The following TRAK2 variants were observed in gnomAD, a reference collection of about 807,000 sequenced individuals.
TRAK2 encodes the protein trafficking kinesin-binding protein 2.
TRAK2 carries 81 observed loss-of-function variants against 104.6 expected under a neutral mutation model. That is an observed-to-expected ratio of 0.77 (90% CI 0.65 to 0.93). The LOEUF (loss-of-function observed/expected upper bound fraction) is 0.93. TRAK2 is among the 40% of genes least tolerant of loss of function. TRAK2 has a pLI of 0.00. For synonymous variants in TRAK2, 406 were observed against 394.4 expected (o/e 1.03, Z -0.35); for missense variants, 1,002 against 1,089.0 (o/e 0.92, Z 1.12).
chr2:201,407,535 G>A lies in TRAK2; in HGVS notation c.154C>T (p.Pro52Ser). Residue 52 changes from proline (P) to serine (S), a missense_variant, in exon 3 of 16, where the codon CCA (proline) becomes TCA (serine). By Grantham distance (74) the Pro-to-Ser change is moderately conservative (BLOSUM62 -1). Coordinates refer to ENST00000332624, the MANE Select transcript of TRAK2 (RefSeq NM_015049.3). ...GTGTCTACTTTTAGCCTATACTGTGGTAGTTGTTCTTCTAGCAGACTCACC... is the reference window on the plus strand; with the variant it reads ...GTGTCTACTTTTAGCCTATACTGTGATAGTTGTTCTTCTAGCAGACTCACC... ...ELVSLLEEQL[P>S]QYRLKVDTLF... is the part of the protein sequence containing the mutation. 6.2e-7 allele frequency: 1 copy of A among 1,614,094 alleles called. No individual in the cohort carries two copies. The highest frequency in any genetic ancestry group is 8.5e-7 in the Non-Finnish European group (1 of 1,179,990).
intron 1 of TRAK2, among the ~76,000 whole-genome samples, chr2:201,422,055 A>C (rs1393677908): frequency 1.3e-5 from 2 of 151,888 alleles, no homozygotes; most frequent in Admixed American, 1.3e-4. Context: ...GTCTCAAAAA[A>C]AAAAAAAAAA....
intron 1 of TRAK2, among the ~76,000 whole-genome samples, chr2:201,450,206 AG>A (rs1952014924): frequency 6.6e-6 from 1 of 151,996 alleles, no homozygotes; most frequent in South Asian, 2.1e-4. Context: ...CATGAGGTCA[AG>A]AGATCGAGAC....
intron 12 of TRAK2, 87 bp from the exon 13 acceptor site, chr2:201,388,088 G>A (rs748546012): frequency 2.9e-6 from 4 of 1,358,602 alleles, no homozygotes; most frequent in Non-Finnish European, 4.2e-6. Context: ...AAGCATTCAA[G>A]AGACTGATAT....
intron 14 of TRAK2, among the ~76,000 whole-genome samples, chr2:201,385,156 G>A (rs1951377393): frequency 6.6e-6 from 1 of 152,146 alleles, no homozygotes; most frequent in South Asian, 2.1e-4. Flanking sequence ...CTTTTCTGAT[G>A]AGTAGGTGGT....
chr2:201,398,778 A>G (rs1951523990), intron 5 of TRAK2, among the ~76,000 whole-genome samples: 1 of 152,044 alleles, frequency 6.6e-6, no homozygotes, highest in Non-Finnish European at 1.5e-5. Context: ...ATCACTGTGC[A>G]TGTCTTCCTA....
chr2:201,404,109 G>A (rs987797115), intron 3 of TRAK2, among the ~76,000 whole-genome samples: 7 of 152,238 alleles, frequency 4.6e-5, no homozygotes, highest in Admixed American at 6.5e-5. Context: ...AGTACTCAGG[G>A]CAAAACTCTT....
rs1361840970 is a variant in TRAK2, at chr2:201,377,583, C to T, written c.*2960G>A. The T allele has an allele frequency of 1.3e-5, 2 of 152,594 alleles. No homozygotes were observed. Among genetic ancestry groups the T allele is most frequent in the Non-Finnish European group, 2.9e-5 (2 of 68,038 alleles). The allele number at this position is 152,594 out of a possible 1,614,324, so 9.5% of individuals were successfully genotyped here. ...GCTTTGAGTACTGTGTAAAATTATA[C>T]CCTTTATAGGGAATAGGCTCTTGTA... On this transcript the variant is annotated 3_prime_UTR_variant, in exon 16 of 16. Coordinates refer to ENST00000332624, the MANE Select transcript of TRAK2 (RefSeq NM_015049.3).
chr2:201,427,676 G>T (rs571777272), intron 1 of TRAK2, among the ~76,000 whole-genome samples: 2 of 152,008 alleles, frequency 1.3e-5, no homozygotes, highest in African/African-American at 2.4e-5. Context: ...TAATCCTTTG[G>T]GTATATACCC....
Position 201,385,328 on chromosome 2 carries a change from T to C in TRAK2, c.1963+890A>G, listed in dbSNP as rs1951378849. 2.0e-5 allele frequency among the ~76,000 whole-genome samples: 3 copies of C among 151,570 alleles called. No individual in the cohort carries two copies. The South Asian group carries it at 6.3e-4, about 32-fold the overall frequency. ...TATTCAAAATGTAGGATACGACCAATGCATTTAATTTAATTTTTTTTTTTT... is the reference window on the plus strand; with the variant it reads ...TATTCAAAATGTAGGATACGACCAACGCATTTAATTTAATTTTTTTTTTTT... On this transcript the variant is annotated intron_variant, in intron 14 of 15. Transcript: ENST00000332624.
intron 2 of TRAK2, chr2:201,410,455 A>G: frequency 1.6e-6 from 1 of 634,392 alleles, no homozygotes; most frequent in Non-Finnish European, 2.8e-6. Context: ...TCACTGTCCC[A>G]TAGAAGTAGT....
Position 201,392,946 on chromosome 2 carries a change from T to C in TRAK2, c.1076A>G (p.His359Arg). Residue 359 changes from histidine to arginine, a missense_variant, in exon 10 of 16, where the codon CAT becomes CGT. His to Arg is a conservative substitution (Grantham distance 29). Transcript: ENST00000332624. ...TCCATATGATTGGGAGAAGTAGAGA[T>C]GAGCAGTAGGGCCAGATCTACTACG... is the stretch of plus-strand genomic sequence containing the variant. ...ELRSRSGPTA[H>R]LYFSQSYGAF... is the part of the protein sequence containing the mutation. 6.2e-7 allele frequency: 1 copy of C among 1,613,710 alleles called. No homozygotes were observed. Among genetic ancestry groups the C allele is most frequent in the Non-Finnish European group, 8.5e-7 (1 of 1,179,816 alleles).
At chr2:201,391,468 C>A (rs1951447652) in intron 10 of TRAK2, among the ~76,000 whole-genome samples, 1 of 152,176 alleles carries the variant, frequency 6.6e-6, no homozygotes, top group African/African-American at 2.4e-5. Flanking sequence ...TAAGAACCAT[C>A]AATGGGTGCT....
intron 1 of TRAK2, among the ~76,000 whole-genome samples, chr2:201,449,635 C>T (rs1951994632): frequency 6.6e-6 from 1 of 151,552 alleles, no homozygotes; most frequent in Non-Finnish European, 1.5e-5. Context: ...CAGGCATGTG[C>T]CACCATGCCT....
intron 1 of TRAK2, among the ~76,000 whole-genome samples, chr2:201,425,725 T>A (rs11899016): frequency 0.19 from 17,788 of 93,972 alleles, 1,848 homozygotes; most frequent in South Asian, 0.42. Flanking sequence ...TTTTTTTTTT[T>A]AAATAATGTT....
chr2:201,420,375 C>T (rs188345258), intron 2 of TRAK2, 42 bp downstream of exon 2: 1 of 1,546,690 alleles, frequency 6.5e-7, no homozygotes, highest in Non-Finnish European at 8.9e-7. Context: ...GCATTTTCTC[C>T]TATAAGCGAT....
intron 12 of TRAK2, among the ~76,000 whole-genome samples, chr2:201,388,531 A>G (rs993432482): frequency 4.6e-5 from 7 of 152,240 alleles, no homozygotes; most frequent in Non-Finnish European, 8.8e-5. Flanking sequence ...AAAAGGAAAC[A>G]ACAAAATTTG....
intron 5 of TRAK2, 130 bp from the exon 6 acceptor site, chr2:201,398,484 T>C: frequency 3.7e-6 from 3 of 809,116 alleles, no homozygotes; most frequent in South Asian, 1.9e-5. Context: ...TAGGTTTTAC[T>C]GACTAACGCA....
intron 2 of TRAK2, chr2:201,412,102 T>C: frequency 1.8e-6 from 2 of 1,084,304 alleles, no homozygotes; most frequent in Non-Finnish European, 1.4e-6. Context: ...GTGGAATTAA[T>C]GTGACATATT....
intron 10 of TRAK2, among the ~76,000 whole-genome samples, chr2:201,390,598 C>T: frequency 6.7e-6 from 1 of 149,860 alleles, no homozygotes; most frequent in East Asian, 1.9e-4. Flanking sequence ...ACAAAAATAC[C>T]AACAAAAAAC....
Sources: gnomAD v4.1 joint callset for allele counts (sites outside exome capture counted in the v4.1 genomes callset) on GRCh38, gnomAD v4.1.1 for gene constraint, MANE v1.5 for transcripts, NCBI Gene and HGNC (gene_info 2026-07-23, HGNC 2026-07-21) for gene names.